The following SMAD4 variants were observed in gnomAD, a reference collection of about 807,000 sequenced individuals.
SMAD4 encodes the protein SMAD family member 4.
Under a neutral mutation model 63.2 loss-of-function variants are expected in SMAD4, and 7 were observed. That is an observed-to-expected ratio of 0.11 (90% CI 0.06 to 0.21). SMAD4 has a LOEUF of 0.21. Among genes scored for constraint, SMAD4 ranks in the 10% least tolerant of loss-of-function variants. The probability of loss-of-function intolerance (pLI) is 1.00; values close to 1 mark genes in which losing one functional copy is unlikely to be tolerated. For synonymous variants in SMAD4, 215 were observed against 235.4 expected, an observed-to-expected ratio of 0.91 and a Z score of 0.79; for missense variants, 312 against 693.8, an observed-to-expected ratio of 0.45 and a Z score of 6.18.
intron 1 of SMAD4, among the ~76,000 whole-genome samples, chr18:51,040,890 C>T (rs962884214): frequency 6.6e-6 from 1 of 152,230 alleles, no homozygotes; most frequent in African/African-American, 2.4e-5. Flanking sequence ...TCTCTTCAAA[C>T]TCAAGATATC....
In SMAD4 at chr18:51,058,193, C is replaced by A. The variant is rs876659967; in HGVS notation, c.736C>A (p.Pro246Thr). The A allele has an allele frequency of 6.2e-7, 1 of 1,614,134 alleles. No homozygotes were observed. The highest frequency in any genetic ancestry group is 8.5e-7 in the Non-Finnish European group (1 of 1,179,996). ...GTTGCAGATAGCATCAGGGCCTCAGCCAGGACAGCAGCAGAATGGATTTAC... is the reference window on the plus strand; with the variant it reads ...GTTGCAGATAGCATCAGGGCCTCAGACAGGACAGCAGCAGAATGGATTTAC... Reference protein sequence around the residue: ...GLLQIASGPQPGQQQNGFTGQ... With the variant: ...GLLQIASGPQTGQQQNGFTGQ... The change falls in exon 6 of 12, where the codon CCA becomes ACA. Residue 246 changes from proline to threonine, a missense_variant. This residue lies in a region of SMAD4 where 169 missense variants were observed against 211.0 expected (regional missense o/e 0.80). Coordinates refer to ENST00000342988, the MANE Select transcript of SMAD4 (RefSeq NM_005359.6).
rs1311759033 is a variant in SMAD4, at chr18:51,084,008, GCGCGCACACACACA to G, written c.*5543_*5556del. Reference sequence around the variant, plus strand: ...ACACTTAACGCGCGTGCGCACGCGCGCGCGCACACACACACACACACACACACACACACACAGGT... The same window carrying G: ...ACACTTAACGCGCGTGCGCACGCGCGCACACACACACACACACACACAGGT... On this transcript the variant is annotated 3_prime_UTR_variant, in exon 12 of 12. Coordinates refer to ENST00000342988, the MANE Select transcript of SMAD4 (RefSeq NM_005359.6). 13 of 65,524 alleles carry G rather than the reference GCGCGCACACACACA, an allele frequency of 2.0e-4. No homozygotes were observed. Among genetic ancestry groups the G allele is most frequent in the South Asian group, 6.4e-4 (1 of 1,560 alleles). 4.1% of individuals were successfully genotyped at this position (65,524 alleles called of 1,614,324 possible). A position where few individuals can be genotyped will look rare whatever the true frequency, so the allele number is the denominator to read the frequency against.
intron 11 of SMAD4, chr18:51,077,304 C>A: frequency 1.4e-6 from 1 of 723,098 alleles, no homozygotes; most frequent in Non-Finnish European, 1.7e-6. Flanking sequence ...TTTTTTACTG[C>A]AGAGTTAAAC....
chr18:51,078,143 T>G, intron 11 of SMAD4, 113 bp from the exon 12 acceptor site: 1 of 865,104 alleles, frequency 1.2e-6, no homozygotes, highest in South Asian at 1.4e-5. Context: ...AGAGAAGTTA[T>G]ATGCTGAGGA....
chr18:51,061,182 T>TA (rs1910003964), intron 8 of SMAD4, among the ~76,000 whole-genome samples: 1 of 152,230 alleles, frequency 6.6e-6, no homozygotes, highest in African/African-American at 2.4e-5. Context: ...AGATGGGGTA[T>TA]ACATCCCTTC....
intron 10 of SMAD4, among the ~76,000 whole-genome samples, chr18:51,073,361 T>TTATATATATATATATA (rs35099364): frequency 9.0e-4 from 20 of 22,208 alleles, no homozygotes; most frequent in South Asian, 2.1e-3. Flanking sequence ...CCAGATAACA[T>TTATATATATATATATA]TATATATATA....
In SMAD4 at chr18:51,048,805, T is replaced by C. The variant is rs140926102; in HGVS notation, c.369T>C (p.Cys123=). 52 of 1,614,004 alleles carry C rather than the reference T, an allele frequency of 3.2e-5. No individual in the cohort carries two copies. The highest frequency in any genetic ancestry group is 4.2e-5 in the Non-Finnish European group (49 of 1,179,970). Residue 123 remains cysteine (C), a synonymous_variant, in exon 3 of 12, where the codon TGT becomes TGC. Transcript: ENST00000342988. Reference sequence around the variant, plus strand: ...GTCAGTATGCGTTTGACTTAAAATGTGATAGTGTCTGTGTGAATCCATATC... The same window carrying C: ...GTCAGTATGCGTTTGACTTAAAATGCGATAGTGTCTGTGTGAATCCATATC... ...KYCQYAFDLK[C]DSVCVNPYHY...
intron 1 of SMAD4, among the ~76,000 whole-genome samples, chr18:51,039,055 T>C (rs1599175458): frequency 6.6e-6 from 1 of 152,148 alleles, no homozygotes; most frequent in Admixed American, 6.5e-5. Context: ...TGCAGAGAGC[T>C]GAGAACATGC....
chr18:51,061,365 C>T (rs776807159), intron 8 of SMAD4, among the ~76,000 whole-genome samples: 10 of 152,202 alleles, frequency 6.6e-5, no homozygotes, highest in Non-Finnish European at 1.3e-4. Flanking sequence ...CACTACCTTT[C>T]CCAGCCTCTG....
chr18:51,038,818 T>C (rs777101692), intron 1 of SMAD4, among the ~76,000 whole-genome samples: 14 of 152,042 alleles, frequency 9.2e-5, no homozygotes, highest in Non-Finnish European at 1.5e-4. Flanking sequence ...TTTTAGTAGT[T>C]TTATTTATTT....
At chr18:51,047,686 G>A (rs932415291) in intron 2 of SMAD4, among the ~76,000 whole-genome samples, 1 of 151,514 alleles carries the variant, frequency 6.6e-6, no homozygotes, top group African/African-American at 2.4e-5. Context: ...TTGGCCCACT[G>A]CAACCTCCAC....
rs1271267175 is a variant in SMAD4, at chr18:51,084,112, G to A, written c.*5645G>A. The A allele has an allele frequency of 4.4e-6, 1 of 229,220 alleles. No homozygotes were observed. The allele number at this position is 229,220 out of a possible 1,614,324, so 14.2% of individuals were successfully genotyped here. On this transcript the variant is annotated 3_prime_UTR_variant, in exon 12 of 12. Coordinates refer to ENST00000342988, the MANE Select transcript of SMAD4 (RefSeq NM_005359.6). ...GAATTGCGTGCACACACACACGCAC[G>A]CACACACTCTGGTCAGAGTTTATTA...
intron 1 of SMAD4, among the ~76,000 whole-genome samples, chr18:51,040,203 G>A (rs989224964): frequency 6.6e-6 from 1 of 152,156 alleles, no homozygotes; most frequent in South Asian, 2.1e-4. Context: ...AAGGCGGGCA[G>A]ATCATGAGGT....
intron 1 of SMAD4, among the ~76,000 whole-genome samples, chr18:51,033,186 A>ATTTTT (rs34008927): frequency 1.7e-5 from 2 of 117,316 alleles, no homozygotes; most frequent in African/African-American, 6.4e-5. Flanking sequence ...ATAACACAGC[A>ATTTTT]TTTTTTTTTT....
chr18:51,079,827 C>T lies in SMAD4; in HGVS notation c.*1360C>T. 4.3e-6 allele frequency: 1 copy of T among 232,154 alleles called. No homozygotes were observed. 14.4% of individuals were successfully genotyped at this position (232,154 alleles called of 1,614,324 possible). A position where few individuals can be genotyped will look rare whatever the true frequency, so the allele number is the denominator to read the frequency against. On this transcript the variant is annotated 3_prime_UTR_variant, in exon 12 of 12. Transcript: ENST00000342988. Reference sequence around the variant, plus strand: ...TTTAAGATTTTTTTTTTCTTTTGCACTTTTGAGTCCAATCTCAGTGATGAG... The same window carrying T: ...TTTAAGATTTTTTTTTTCTTTTGCATTTTTGAGTCCAATCTCAGTGATGAG...
intron 10 of SMAD4, among the ~76,000 whole-genome samples, chr18:51,073,388 T>TATACACAC (rs1417299090): frequency 2.3e-4 from 15 of 64,160 alleles, no homozygotes; most frequent in African/African-American, 3.1e-4. Context: ...TATATATATA[T>TATACACAC]ACACACACAC....
intron 8 of SMAD4, among the ~76,000 whole-genome samples, chr18:51,062,851 GTTTTTTTTT>G (rs71171374): frequency 1.5e-4 from 10 of 65,382 alleles, no homozygotes; most frequent in African/African-American, 4.5e-4. Flanking sequence ...GGCTTTACTT[GTTTTTTTTT>G]TTTTTTTTTT....
chr18:51,056,435 G>T (rs548695247), intron 5 of SMAD4, among the ~76,000 whole-genome samples: 4 of 151,910 alleles, frequency 2.6e-5, no homozygotes, highest in Non-Finnish European at 5.9e-5. Context: ...ATCGAATACC[G>T]TAAATACTGT....
chr18:51,046,203 C>T (rs1909537328), intron 1 of SMAD4, among the ~76,000 whole-genome samples: 1 of 152,096 alleles, frequency 6.6e-6, no homozygotes, highest in Admixed American at 6.6e-5. Flanking sequence ...TTCCAAAGTA[C>T]CTGTGCCATT....
Sources: gnomAD v4.1 joint callset for allele counts (sites outside exome capture counted in the v4.1 genomes callset) on GRCh38, gnomAD v4.1.1 for gene constraint, gnomAD v4.1.1 regional missense constraint, MANE v1.5 for transcripts, NCBI Gene and HGNC (gene_info 2026-07-23, HGNC 2026-07-21) for gene names.